Variants in ADK observed in about 807,000 individuals in gnomAD.
ADK encodes adenosine kinase, also known as N6,N6-dimethyladenosine kinase.
In ADK, 24 loss-of-function variants were observed where a neutral mutation model predicts 44.7. That is an observed-to-expected ratio of 0.54 (90% CI 0.39 to 0.76). The LOEUF (loss-of-function observed/expected upper bound fraction) is 0.76, where lower values mean the gene tolerates loss of function less well. ADK is among the 30% of genes least tolerant of loss of function. The pLI is 0.00. For missense variants in ADK, 321 were observed against 425.1 expected (o/e 0.76, Z 2.15); for synonymous variants, 128 against 142.6 (o/e 0.90, Z 0.73).
chr10:74,513,086 T>C (rs916907012), intron 6 of ADK, among the ~76,000 whole-genome samples: 2 of 152,142 alleles, frequency 1.3e-5, no homozygotes, highest in African/African-American at 2.4e-5. Flanking sequence ...TCTCTTGTTA[T>C]AGATATCTAA....
chr10:74,559,231 A>T (rs957850361), intron 7 of ADK, among the ~76,000 whole-genome samples: 2 of 152,222 alleles, frequency 1.3e-5, no homozygotes, highest in Non-Finnish European at 2.9e-5. Context: ...CTGCCCAGGC[A>T]TGGCAGACTA....
chr10:74,607,927 T>C (rs1204261902), intron 9 of ADK, among the ~76,000 whole-genome samples: 1 of 151,966 alleles, frequency 6.6e-6, no homozygotes, highest in African/African-American at 2.4e-5. Context: ...GTTTGTTAGT[T>C]CCTTTCCATT....
intron 1 of ADK, among the ~76,000 whole-genome samples, chr10:74,198,329 C>A (rs1215239746): frequency 6.6e-6 from 1 of 152,170 alleles, no homozygotes; most frequent in Non-Finnish European, 1.5e-5. Context: ...TATTATCTTT[C>A]CCTCCTCCAC....
intron 3 of ADK, among the ~76,000 whole-genome samples, chr10:74,230,440 T>C (rs180758061): frequency 6.6e-6 from 1 of 152,092 alleles, no homozygotes; most frequent in Admixed American, 6.5e-5. Flanking sequence ...TAAGTGCTGT[T>C]TTTGTCACAC....
chr10:74,168,177 A>G (rs1842078535), intron 1 of ADK, among the ~76,000 whole-genome samples: 1 of 152,196 alleles, frequency 6.6e-6, no homozygotes, highest in African/African-American at 2.4e-5. Flanking sequence ...ATCTTTGCCA[A>G]ATCTGTAGTG....
intron 9 of ADK, among the ~76,000 whole-genome samples, chr10:74,648,930 C>T (rs1230956437): frequency 6.6e-6 from 1 of 151,872 alleles, no homozygotes; most frequent in Non-Finnish European, 1.5e-5. Context: ...ACCTATAATC[C>T]CAGTGCTTTG....
At chr10:74,198,299 T>G (rs1843240485) in intron 1 of ADK, among the ~76,000 whole-genome samples, 1 of 152,202 alleles carries the variant, frequency 6.6e-6, no homozygotes, top group Non-Finnish European at 1.5e-5. Flanking sequence ...ATATGCAATT[T>G]AAGTGTGAAT....
intron 6 of ADK, among the ~76,000 whole-genome samples, chr10:74,474,424 C>G (rs1455704532): frequency 6.6e-6 from 1 of 152,128 alleles, no homozygotes; most frequent in Non-Finnish European, 1.5e-5. Flanking sequence ...TTTACAAATT[C>G]AGTAGTCTTT....
At chr10:74,372,435 C>A in intron 4 of ADK, 1 of 569,002 alleles carries the variant, frequency 1.8e-6, no homozygotes, top group South Asian at 1.9e-5. Context: ...TGCACACGCT[C>A]TTAAGCAACA....
intron 8 of ADK, among the ~76,000 whole-genome samples, chr10:74,597,550 T>C (rs1253838216): frequency 6.6e-6 from 1 of 152,234 alleles, no homozygotes; most frequent in East Asian, 1.9e-4. Context: ...TCATGAACTT[T>C]ATACTTTTGA....
chr10:74,645,696 T>TA (rs1854030075), intron 9 of ADK, among the ~76,000 whole-genome samples: 1 of 152,216 alleles, frequency 6.6e-6, no homozygotes, highest in African/African-American at 2.4e-5. Context: ...TTTGATGAGA[T>TA]AAAAGCTTCA....
intron 6 of ADK, among the ~76,000 whole-genome samples, chr10:74,456,149 G>A (rs1845936642): frequency 6.6e-6 from 1 of 151,794 alleles, no homozygotes; most frequent in Non-Finnish European, 1.5e-5. Flanking sequence ...AAATTAACAA[G>A]GATATTCAGG....
chr10:74,338,732 A>G (rs1841491423), intron 4 of ADK, among the ~76,000 whole-genome samples: 1 of 152,204 alleles, frequency 6.6e-6, no homozygotes, highest in African/African-American at 2.4e-5. Context: ...TTAGTGTTGG[A>G]AAATTAACCT....
At chr10:74,155,822 G>A (rs1037165754) in intron 1 of ADK, among the ~76,000 whole-genome samples, 3 of 152,162 alleles carry the variant, frequency 2.0e-5, no homozygotes, top group South Asian at 2.1e-4. Context: ...GTGAGCCACC[G>A]TGCCCGGCGA....
intron 4 of ADK, among the ~76,000 whole-genome samples, chr10:74,323,402 AC>A (rs919889705): frequency 2.0e-4 from 30 of 152,304 alleles, no homozygotes; most frequent in African/African-American, 7.2e-4. Flanking sequence ...TTTCTGACTT[AC>A]GTTCGAATTA....
intron 6 of ADK, among the ~76,000 whole-genome samples, chr10:74,517,891 C>T (rs1025323697): frequency 3.9e-5 from 6 of 151,958 alleles, no homozygotes; most frequent in African/African-American, 1.5e-4. Flanking sequence ...CTGTTGCTGT[C>T]GTTTGTGTGA....
Position 74,195,703 on chromosome 10 carries a change from CTTTCTT to C in ADK, c.66-5057_66-5052del, listed in dbSNP as rs1156596858. ...TTCTTTCTTTCTTTCTTTTTCTTTT[CTTTCTT>C]TTTTTTTTTTTTTTTTTTGAGGTAG... On this transcript the variant is annotated intron_variant, in intron 1 of 10. Transcript: ENST00000539909. 5.2e-3 allele frequency among the ~76,000 whole-genome samples: 551 copies of C among 105,970 alleles called. 6 individuals are homozygous for C. Among genetic ancestry groups the C allele is most frequent in the African/African-American group, 0.013 (428 of 32,222 alleles). The allele number at this position is 105,970 out of a possible 152,430, so 69.5% of individuals were successfully genotyped here.
chr10:74,485,121 T>G (rs1029095994), intron 6 of ADK, among the ~76,000 whole-genome samples: 1 of 152,140 alleles, frequency 6.6e-6, no homozygotes, highest in African/African-American at 2.4e-5. Flanking sequence ...AGAAGACATG[T>G]GTGACACAAA....
intron 9 of ADK, among the ~76,000 whole-genome samples, chr10:74,648,631 T>A (rs191052351): frequency 4.6e-4 from 69 of 149,938 alleles, no homozygotes; most frequent in African/African-American, 1.6e-3. Flanking sequence ...TGAGCCGAGA[T>A]CACACCACCG....
Sources: allele counts gnomAD v4.1 joint callset (sites outside exome capture counted in the v4.1 genomes callset), GRCh38; gene constraint gnomAD v4.1.1; transcripts MANE v1.5; gene names NCBI Gene and HGNC (gene_info 2026-07-23, HGNC 2026-07-21).